HSPG2: variants seen among roughly 807,000 people sequenced by gnomAD.
HSPG2 encodes heparan sulfate proteoglycan 2.
HSPG2 carries 278 observed loss-of-function variants against 526.6 expected under a neutral mutation model. The observed-to-expected ratio is 0.53, with a 90% CI of 0.48 to 0.58. The LOEUF is 0.58. Ranked by LOEUF, HSPG2 falls within the 20% of genes least tolerant of loss-of-function variation. HSPG2 has a pLI of 0.00. For synonymous variants in HSPG2, 2,465 were observed against 2,555.4 expected, an observed-to-expected ratio of 0.96 and a Z score of 1.07; for missense variants, 5,354 against 6,099.5, an observed-to-expected ratio of 0.88 and a Z score of 4.07.
intron 1 of HSPG2, among the ~76,000 whole-genome samples, chr1:21,916,071 GA>G (rs1027701117): frequency 4.9e-5 from 6 of 122,500 alleles, no homozygotes; most frequent in African/African-American, 2.1e-4. Context: ...AGAAGAAGAA[GA>G]AAAAAAAAAA....
At position 21,854,982 on chromosome 1, in the gene HSPG2, G is replaced by A. The variant is rs775916375; in HGVS notation, c.5999C>T (p.Ala2000Val). Residue 2000 changes from alanine to valine, a missense_variant and splice_region_variant, in exon 48 of 97, where the codon GCC becomes GTC. Coordinates refer to ENST00000374695, the MANE Select transcript of HSPG2 (RefSeq NM_005529.7). The stretch of plus-strand genomic sequence containing the variant: ...CGCGATGTCTGTGCGCTCTGACCGG[G>A]CCTGCCGTGGGTGAGATGGGTCAGC... ...RKEGGSLPPQ[A>V]RSERTDIATL... The A allele has an allele frequency of 3.1e-6, 5 of 1,612,380 alleles. No homozygotes were observed. The South Asian group carries it at 5.5e-5, about 18-fold the overall frequency.
intron 87 of HSPG2, 110 bp downstream of exon 87, chr1:21,829,273 A>T (rs1572146604): frequency 7.2e-7 from 1 of 1,382,444 alleles, no homozygotes; most frequent in East Asian, 2.4e-5. Flanking sequence ...GGAAGAGGGG[A>T]CTTGCCCTGA....
rs1195146562 is a variant in HSPG2 at position 21,841,996 on chromosome 1, G to A, written c.9193+6C>T. 2 of 1,612,984 alleles carry A rather than the reference G, an allele frequency of 1.2e-6. No homozygotes were observed. The highest frequency in any genetic ancestry group is 1.7e-6 in the Non-Finnish European group (2 of 1,179,990). On this transcript the variant is annotated splice_donor_region_variant and intron_variant, in intron 69 of 96. Coordinates refer to ENST00000374695, the MANE Select transcript of HSPG2 (RefSeq NM_005529.7). ...GCTTGCCCACCTGCCCACCAGCCTGGCTCACCCTCCAGCTCCTGGTTCCGG... is the reference window on the plus strand; with the variant it reads ...GCTTGCCCACCTGCCCACCAGCCTGACTCACCCTCCAGCTCCTGGTTCCGG...
At chr1:21,896,710 G>A (rs1642774449) in intron 1 of HSPG2, among the ~76,000 whole-genome samples, 1 of 152,118 alleles carries the variant, frequency 6.6e-6, no homozygotes, top group African/African-American at 2.4e-5. Flanking sequence ...CAGGCAGGTG[G>A]AAGGCTGGCC....
At chr1:21,840,895 C>T (rs753090917) in intron 71 of HSPG2, among the ~76,000 whole-genome samples, 3 of 152,202 alleles carry the variant, frequency 2.0e-5, no homozygotes, top group Non-Finnish European at 4.4e-5. Flanking sequence ...CCCTCCCACT[C>T]ATTCTTTCTT....
In HSPG2 at chr1:21,865,400, G is replaced by C; in HGVS notation, c.4315-35C>G. ...CACCAGCAGGATTGGAAGGGGAGCCGAGGGGTCCCTGGGGTGCCAGGGTGT... is the reference window on the plus strand; with the variant it reads ...CACCAGCAGGATTGGAAGGGGAGCCCAGGGGTCCCTGGGGTGCCAGGGTGT... On this transcript the variant is annotated intron_variant, in intron 34 of 96. Coordinates refer to ENST00000374695, the MANE Select transcript of HSPG2 (RefSeq NM_005529.7). This position sits in a 1 kb window ranked among gnomAD's most constrained non-coding sequence, Gnocchi z 5.4. 6.3e-7 allele frequency: 1 copy of C among 1,596,728 alleles called. No individual in the cohort carries two copies. The highest frequency in any genetic ancestry group is 8.6e-7 in the Non-Finnish European group (1 of 1,164,640).
intron 1 of HSPG2, among the ~76,000 whole-genome samples, chr1:21,918,100 G>A (rs1193173332): frequency 6.6e-6 from 1 of 152,000 alleles, no homozygotes; most frequent in African/African-American, 2.4e-5. Flanking sequence ...GGCTCTTCCC[G>A]AGCCTCCTGT....
chr1:21,848,870 T>C lies in HSPG2; in HGVS notation c.7585+23A>G. ...CGGGGTCCCCCAGCCCTCCACCATT[T>C]GCATGACCCCCGAGACACTCACAGT... is the stretch of plus-strand genomic sequence containing the variant. On this transcript the variant is annotated intron_variant, in intron 58 of 96. Transcript: ENST00000374695. The surrounding 1 kb of genome is among the most constrained non-coding windows in gnomAD (Gnocchi z 4.9). 1 of 1,612,188 alleles carries C rather than the reference T, an allele frequency of 6.2e-7. No homozygotes were observed. Among genetic ancestry groups the C allele is most frequent in the Non-Finnish European group, 8.5e-7 (1 of 1,179,550 alleles).
rs149276709 is a variant in HSPG2, at chr1:21,839,401, C to A, written c.9859G>T (p.Ala3287Ser). The change falls in exon 73 of 97, where the codon GCT becomes TCT. Residue 3287 changes from alanine (A) to serine (S), a missense_variant. Coordinates refer to ENST00000374695, the MANE Select transcript of HSPG2 (RefSeq NM_005529.7). The surrounding 1 kb of genome is among the most constrained non-coding windows in gnomAD (Gnocchi z 4.5). ...ACGTGCAGGATGATGGTGGCCTCAGCGTGCCCAGCAGGGCTAGTGGCATTG... is the reference window on the plus strand; with the variant it reads ...ACGTGCAGGATGATGGTGGCCTCAGAGTGCCCAGCAGGGCTAGTGGCATTG... ...ICNATSPAGH[A>S]EATIILHVES... 2 of 1,613,596 alleles carry A rather than the reference C, an allele frequency of 1.2e-6. No individual in the cohort carries two copies. Among genetic ancestry groups the A allele is most frequent in the East Asian group, 2.2e-5 (1 of 44,870 alleles).
rs1640073185 is a variant in HSPG2 at position 21,864,542 on chromosome 1, A to G, written c.4626+301T>C. ...GAGTGTGGCCCAAACGTGAGGCTGC[A>G]CTGCCCAGTGGTTAGGACATGCTAG... is the stretch of plus-strand genomic sequence containing the variant. On this transcript the variant is annotated intron_variant, in intron 36 of 96. Transcript: ENST00000374695. The surrounding 1 kb of genome is among the most constrained non-coding windows in gnomAD (Gnocchi z 4.8). Among the ~76,000 whole-genome samples, 3 of 152,232 alleles carry G rather than the reference A, an allele frequency of 2.0e-5. No individual in the cohort carries two copies. Among genetic ancestry groups the G allele is most frequent in the South Asian group, 2.1e-4 (1 of 4,832 alleles).
chr1:21,835,064 A>G (rs1349678428), intron 76 of HSPG2, 119 bp from the exon 77 acceptor site: 3 of 1,161,948 alleles, frequency 2.6e-6, no homozygotes, highest in South Asian at 2.5e-5. Flanking sequence ...TTCACTCCTC[A>G]TTCACTTTTT....
chr1:21,919,442 A>AAT (rs1643971265), intron 1 of HSPG2, among the ~76,000 whole-genome samples: 1 of 151,100 alleles, frequency 6.6e-6, no homozygotes, highest in African/African-American at 2.4e-5. Context: ...AAAAAAAAAA[A>AAT]GTCTCAAAAG....
intron 1 of HSPG2, among the ~76,000 whole-genome samples, chr1:21,914,229 G>A (rs1643813942): frequency 6.6e-6 from 1 of 152,198 alleles, no homozygotes; most frequent in Non-Finnish European, 1.5e-5. Flanking sequence ...TGGTGAGAGT[G>A]CTGAAAAGGA....
At position 21,842,271 on chromosome 1, in the gene HSPG2, A is replaced by G. The variant is rs1557697747; in HGVS notation, c.9020T>C (p.Val3007Ala). 6.2e-7 allele frequency: 1 copy of G among 1,613,560 alleles called. No homozygotes were observed. ...AGACCCCTCACTGGGCGGGACGGTGACTGTGAAGGAGGCTTCTTGCTCAGG... is the reference window on the plus strand; with the variant it reads ...AGACCCCTCACTGGGCGGGACGGTGGCTGTGAAGGAGGCTTCTTGCTCAGG... Reference protein sequence around the residue: ...PGPEQEASFTVTVPPSEGSSY... With the variant: ...PGPEQEASFTATVPPSEGSSY... The change falls in exon 68 of 97, where the codon GTC (valine) becomes GCC (alanine). Residue 3007 changes from valine to alanine, a missense_variant. Transcript: ENST00000374695.
At chr1:21,868,240 T>C (rs924700012) in intron 33 of HSPG2, among the ~76,000 whole-genome samples, 2 of 151,684 alleles carry the variant, frequency 1.3e-5, no homozygotes, top group Non-Finnish European at 2.9e-5. Context: ...GGTTTCACCA[T>C]GTTGGCCAGG....
In HSPG2 at chr1:21,846,127, T is replaced by C. The variant is rs1638412200; in HGVS notation, c.8445A>G (p.Ser2815=). 2 of 1,612,906 alleles carry C rather than the reference T, an allele frequency of 1.2e-6. No individual in the cohort carries two copies. The highest frequency in any genetic ancestry group is 1.7e-5 in the Admixed American group (1 of 60,036). ...SVLVTIEASG[S]SAVHVPAPGG... The stretch of plus-strand genomic sequence containing the variant: ...CCTCACCGGGGACGTGGACAGCACT[T>C]GAGCCAGAGGCTTCGATGGTGACCA... The change falls in exon 64 of 97, where the codon TCA becomes TCG. Residue 2815 remains serine, a synonymous_variant. Transcript: ENST00000374695.
At chr1:21,888,421 C>T (rs1397447513) in intron 6 of HSPG2, among the ~76,000 whole-genome samples, 2 of 152,250 alleles carry the variant, frequency 1.3e-5, no homozygotes, top group African/African-American at 2.4e-5. Context: ...AGCCAGCCAT[C>T]TTGCCCACAC....
intron 1 of HSPG2, among the ~76,000 whole-genome samples, chr1:21,931,237 T>C (rs1644339574): frequency 6.6e-6 from 1 of 152,236 alleles, no homozygotes; most frequent in Admixed American, 6.5e-5. Context: ...AAGGCTGCTA[T>C]TGACACAGCC....
chr1:21,874,260 A>G (rs1271577983), intron 28 of HSPG2, 146 bp downstream of exon 28: 11 of 1,123,378 alleles, frequency 9.8e-6, no homozygotes, highest in Admixed American at 2.1e-5. Flanking sequence ...CTGAAAGTGA[A>G]GTGTATCTCA....
Sources: allele counts gnomAD v4.1 joint callset (sites outside exome capture counted in the v4.1 genomes callset), GRCh38; gene constraint gnomAD v4.1.1; non-coding constraint Gnocchi (gnomAD v3.1); transcripts MANE v1.5; gene names NCBI Gene and HGNC (gene_info 2026-07-23, HGNC 2026-07-21).